The following DRC9 variants were observed in gnomAD, a reference collection of about 807,000 sequenced individuals.
DRC9 encodes dynein regulatory complex protein 9.
At chr3:197,912,032 T>G in the DRC9 span, among the ~76,000 whole-genome samples, 12 of 152,024 alleles carry the variant, frequency 7.9e-5, no homozygotes, top group African/African-American at 2.9e-4. Context: ...AATTTAAAAA[T>G]TATGTCTTTT....
the DRC9 span, chr3:197,951,070 GCT>G: frequency 1.2e-6 from 2 of 1,601,232 alleles, no homozygotes; most frequent in Non-Finnish European, 1.7e-6. Context: ...TTAGATGTTT[GCT>G]CTGAGTAACT....
At chr3:197,944,458 A>T in the DRC9 span, among the ~76,000 whole-genome samples, 37,446 of 142,682 alleles carry the variant, frequency 0.26, 7,479 homozygotes, top group African/African-American at 0.59. Context: ...ATTTTATTTT[A>T]TTTTTTTTGA....
the DRC9 span, among the ~76,000 whole-genome samples, chr3:197,928,726 A>T: frequency 2.6e-5 from 4 of 152,310 alleles, no homozygotes; most frequent in African/African-American, 7.2e-5. Flanking sequence ...ACACAAAGAG[A>T]TTGGGAGAAG....
At chr3:197,932,150 A>G in the DRC9 span, 1 of 1,605,046 alleles carries the variant, frequency 6.2e-7, no homozygotes, top group African/African-American at 1.3e-5. Context: ...ACAGCAAAGC[A>G]AGTAAACCTA....
chr3:197,919,964 C>G, the DRC9 span, among the ~76,000 whole-genome samples: 3 of 151,908 alleles, frequency 2.0e-5, no homozygotes, highest in South Asian at 6.2e-4. Flanking sequence ...CTTTGGGAGG[C>G]TGAGGCGGGT....
chr3:197,940,697 T>A, the DRC9 span, among the ~76,000 whole-genome samples: 1 of 152,168 alleles, frequency 6.6e-6, no homozygotes, highest in Non-Finnish European at 1.5e-5. Flanking sequence ...TTCAAATTCA[T>A]GAGTCAGAAC....
At chr3:197,907,197 C>T in the DRC9 span, among the ~76,000 whole-genome samples, 1 of 152,192 alleles carries the variant, frequency 6.6e-6, no homozygotes, top group African/African-American at 2.4e-5. Context: ...ATGCTCCCCT[C>T]ACTATTCTAT....
chr3:197,911,645 A>G, the DRC9 span, among the ~76,000 whole-genome samples: 1 of 147,554 alleles, frequency 6.8e-6, no homozygotes, highest in South Asian at 2.1e-4. Flanking sequence ...AGATTAGTAA[A>G]TTTTTTTTTT....
At chr3:197,950,707 C>T in the DRC9 span, 1 of 567,978 alleles carries the variant, frequency 1.8e-6, no homozygotes, top group Middle Eastern at 3.9e-4. Context: ...GACTCCTGTC[C>T]CTTAGTTTTG....
chr3:197,905,679 C>T, the DRC9 span, among the ~76,000 whole-genome samples: 4 of 151,634 alleles, frequency 2.6e-5, no homozygotes, highest in African/African-American at 9.7e-5. Flanking sequence ...ACTCGGGAGG[C>T]GGAGGCTGCG....
chr3:197,925,051 A>C, the DRC9 span, among the ~76,000 whole-genome samples: 1 of 152,172 alleles, frequency 6.6e-6, no homozygotes, highest in Non-Finnish European at 1.5e-5. Flanking sequence ...AATGAAGCCC[A>C]ACCACTATGT....
At chr3:197,890,660 C>T in the DRC9 span, among the ~76,000 whole-genome samples, 1 of 152,192 alleles carries the variant, frequency 6.6e-6, no homozygotes, top group Non-Finnish European at 1.5e-5. Context: ...TGCTCTTCAG[C>T]TCGTTCTTAA....
the DRC9 span, chr3:197,953,654 A>G: frequency 2.3e-6 from 1 of 436,554 alleles, no homozygotes; most frequent in East Asian, 6.6e-5. Context: ...GCTATTTAAA[A>G]TGGCAGGTAA....
the DRC9 span, among the ~76,000 whole-genome samples, chr3:197,947,856 G>A: frequency 6.6e-6 from 1 of 151,742 alleles, no homozygotes; most frequent in South Asian, 2.1e-4. Context: ...TCTCTCTCTG[G>A]GCTTAGGTAA....
At chr3:197,950,862 G>A in the DRC9 span, 2 of 1,405,086 alleles carry the variant, frequency 1.4e-6, no homozygotes, top group South Asian at 2.3e-5. Flanking sequence ...TTGCTTTAGG[G>A]GCTTAAACGA....
the DRC9 span, chr3:197,912,621 T>C: frequency 2.8e-5 from 34 of 1,211,068 alleles, no homozygotes; most frequent in African/African-American, 4.4e-4. Context: ...GTTTCCTCAG[T>C]ATAAGCAGAG....
the DRC9 span, among the ~76,000 whole-genome samples, chr3:197,931,565 C>T: frequency 1.3e-5 from 2 of 152,058 alleles, no homozygotes; most frequent in Non-Finnish European, 2.9e-5. Context: ...GAAAAACTTT[C>T]CTTGGCATTC....
chr3:197,898,973 A>G, the DRC9 span, among the ~76,000 whole-genome samples: 1 of 152,234 alleles, frequency 6.6e-6, no homozygotes, highest in Non-Finnish European at 1.5e-5. Flanking sequence ...TTTCATTACT[A>G]CAGAAATAAA....
At chr3:197,957,108 G>A in the DRC9 span, 1 of 152,206 alleles carries the variant, frequency 6.6e-6, no homozygotes, top group South Asian at 2.1e-4. Context: ...AAAGCACACT[G>A]GCTGTTGTGT....
Sources: allele counts gnomAD v4.1 joint callset (sites outside exome capture counted in the v4.1 genomes callset), GRCh38; gene constraint gnomAD v4.1.1; transcripts MANE v1.5; gene names NCBI Gene and HGNC (gene_info 2026-07-23, HGNC 2026-07-21).